FGF12: variants seen among roughly 807,000 people sequenced by gnomAD.
FGF12 encodes the protein fibroblast growth factor 12.
A neutral mutation model predicts 23.6 loss-of-function variants in FGF12; 14 were observed. That is an observed-to-expected ratio of 0.59 (90% confidence interval 0.39 to 0.93). The LOEUF is 0.93. FGF12 is among the 40% of genes least tolerant of loss of function. FGF12 has a pLI of 0.00. For missense variants in FGF12, 175 were observed against 217.8 expected (o/e 0.80, Z 1.24); for synonymous variants, 62 against 77.3 (o/e 0.80, Z 1.04).
intron 2 of FGF12, among the ~76,000 whole-genome samples, chr3:192,668,372 T>C (rs1450595332): frequency 6.6e-6 from 1 of 150,664 alleles, no homozygotes; most frequent in Admixed American, 6.6e-5. Flanking sequence ...GGATTCTTAA[T>C]GGGAATATTC....
chr3:192,646,375 AAT>A (rs1021883790), intron 2 of FGF12, among the ~76,000 whole-genome samples: 5 of 152,070 alleles, frequency 3.3e-5, no homozygotes, highest in African/African-American at 1.2e-4. Context: ...AATTAATATA[AAT>A]ATATGAGTCA....
chr3:192,169,830 C>A (rs1432333401), intron 5 of FGF12, among the ~76,000 whole-genome samples: 2 of 108,168 alleles, frequency 1.8e-5, no homozygotes, highest in African/African-American at 1.1e-4. Flanking sequence ...AAATCGGTTT[C>A]CTCAGAAAAA....
At chr3:192,692,821 C>T (rs1197330921) in intron 2 of FGF12, among the ~76,000 whole-genome samples, 1 of 151,494 alleles carries the variant, frequency 6.6e-6, no homozygotes, top group Admixed American at 6.6e-5. Flanking sequence ...AAAATTTACT[C>T]AACATATTAT....
At chr3:192,339,866 T>C (rs1248645130) in intron 3 of FGF12, among the ~76,000 whole-genome samples, 1 of 152,178 alleles carries the variant, frequency 6.6e-6, no homozygotes, top group African/African-American at 2.4e-5. Context: ...CCCAGGTACA[T>C]GTACACAGCT....
chr3:192,312,548 G>C (rs960278989), intron 4 of FGF12, among the ~76,000 whole-genome samples: 2 of 151,730 alleles, frequency 1.3e-5, no homozygotes, highest in Non-Finnish European at 2.9e-5. Context: ...TCAATAAGTA[G>C]TACATAAATT....
chr3:192,369,861 T>C (rs1417920189), intron 2 of FGF12, among the ~76,000 whole-genome samples: 6 of 152,158 alleles, frequency 3.9e-5, no homozygotes, highest in African/African-American at 1.2e-4. Flanking sequence ...AATGAACAAA[T>C]AAAATGCCAC....
chr3:192,384,477 A>G (rs1719958110), intron 2 of FGF12, among the ~76,000 whole-genome samples: 1 of 152,204 alleles, frequency 6.6e-6, no homozygotes, highest in South Asian at 2.1e-4. Context: ...AGCTGGAAGA[A>G]ATAACATCTT....
Position 192,158,345 on chromosome 3 carries a change from T to TCC in FGF12, c.427+12112_427+12113insGG, listed in dbSNP as rs1491323674. On this transcript the variant is annotated intron_variant, in intron 5 of 5. Coordinates refer to ENST00000445105, the MANE Select transcript of FGF12 (RefSeq NM_004113.6). ...CTTTCTTTCTTTCTCTTTCTTTCTT[T>TCC]CTTTCTTTCTTTCTTTCTTTCTTTC... 3.9e-5 allele frequency among the ~76,000 whole-genome samples: 3 copies of TCC among 77,816 alleles called. No individual in the cohort carries two copies. The East Asian group carries it at 1.0e-3, about 26-fold the overall frequency. 51.1% of individuals were successfully genotyped at this position (77,816 alleles called of 152,430 possible).
intron 4 of FGF12, among the ~76,000 whole-genome samples, chr3:192,206,860 G>A: frequency 6.6e-6 from 1 of 151,590 alleles, no homozygotes; most frequent in East Asian, 2.0e-4. Flanking sequence ...AACCCTCCTG[G>A]AGGGCCCCCT....
intron 2 of FGF12, among the ~76,000 whole-genome samples, chr3:192,491,752 T>C (rs960065625): frequency 6.6e-6 from 1 of 152,156 alleles, no homozygotes; most frequent in Admixed American, 6.6e-5. Context: ...TTTCATGTCA[T>C]GTCACACCTA....
Position 192,177,030 on chromosome 3 carries a change from T to G in FGF12, c.229-6374A>C, listed in dbSNP as rs141619468. On this transcript the variant is annotated intron_variant, in intron 4 of 5. Transcript: ENST00000445105. The stretch of plus-strand genomic sequence containing the variant: ...CTTACAAGGTCCTACAGAATAATTA[T>G]GTCAAGACATCAAATGAACAGAATA... 2.3e-3 allele frequency among the ~76,000 whole-genome samples: 357 copies of G among 152,350 alleles called. 1 individual carries two copies. The highest frequency in any genetic ancestry group is 8.2e-3 in the African/African-American group (343 of 41,590).
At chr3:192,575,936 T>TC (rs1486384067) in intron 2 of FGF12, among the ~76,000 whole-genome samples, 3 of 152,210 alleles carry the variant, frequency 2.0e-5, no homozygotes, top group Non-Finnish European at 4.4e-5. Context: ...AAAAGGTACT[T>TC]GAAAAAAATA....
chr3:192,351,489 G>A (rs771114007), intron 3 of FGF12, among the ~76,000 whole-genome samples: 7 of 152,142 alleles, frequency 4.6e-5, no homozygotes, highest in Admixed American at 2.0e-4. Flanking sequence ...AACAAACATT[G>A]AGTGAAAGCC....
chr3:192,291,973 T>A (rs899577517), intron 4 of FGF12, among the ~76,000 whole-genome samples: 1 of 152,210 alleles, frequency 6.6e-6, no homozygotes, highest in African/African-American at 2.4e-5. Context: ...CTAACCCAAT[T>A]TGAAATGCCA....
chr3:192,679,913 C>T (rs777248674), intron 2 of FGF12, among the ~76,000 whole-genome samples: 1 of 152,246 alleles, frequency 6.6e-6, no homozygotes, highest in Non-Finnish European at 1.5e-5. Context: ...TGAGCTGGGG[C>T]AGCATAAAAT....
At position 192,193,974 on chromosome 3, in the gene FGF12, T is replaced by C. The variant is rs75159001; in HGVS notation, c.229-23318A>G. On this transcript the variant is annotated intron_variant, in intron 4 of 5. Transcript: ENST00000445105. Reference sequence around the variant, plus strand: ...ACTGGGCCAGCAGGGATGTGTAGTATGTAGAAAAAATAAAAGCAATATTTT... The same window carrying C: ...ACTGGGCCAGCAGGGATGTGTAGTACGTAGAAAAAATAAAAGCAATATTTT... Among the ~76,000 whole-genome samples, 509 of 152,330 alleles carry C rather than the reference T, an allele frequency of 3.3e-3. 8 individuals are homozygous for C. The highest frequency in any genetic ancestry group is 0.032 in the East Asian group (164 of 5,194).
In FGF12 at chr3:192,154,195, T is replaced by G. The variant is rs1351707798; in HGVS notation, c.428-10068A>C. 5.9e-5 allele frequency among the ~76,000 whole-genome samples: 6 copies of G among 102,156 alleles called. No individual in the cohort carries two copies. In the East Asian group the frequency reaches 1.5e-3, roughly 26 times the overall value. 67.0% of individuals were successfully genotyped at this position (102,156 alleles called of 152,430 possible). A position where few individuals can be genotyped will look rare whatever the true frequency, so the allele number is the denominator to read the frequency against. On this transcript the variant is annotated intron_variant, in intron 5 of 5. Coordinates refer to ENST00000445105, the MANE Select transcript of FGF12 (RefSeq NM_004113.6). ...CCTTTAAGCACTTCTCTGTATTGGT[T>G]ATTCTAGTTATACATTCTTCTAAAT...
At chr3:192,386,790 G>A (rs1240175780) in intron 2 of FGF12, among the ~76,000 whole-genome samples, 2 of 152,136 alleles carry the variant, frequency 1.3e-5, no homozygotes, top group African/African-American at 4.8e-5. Context: ...AAGGCAATTG[G>A]GAGAGGTAAC....
chr3:192,597,862 C>A (rs998822427), intron 2 of FGF12, among the ~76,000 whole-genome samples: 1 of 152,230 alleles, frequency 6.6e-6, no homozygotes, highest in African/African-American at 2.4e-5. Flanking sequence ...AGATGACAAT[C>A]TGGCATTTTG....
Sources: gnomAD v4.1 joint callset for allele counts (sites outside exome capture counted in the v4.1 genomes callset) on GRCh38, gnomAD v4.1.1 for gene constraint, MANE v1.5 for transcripts, NCBI Gene and HGNC (gene_info 2026-07-23, HGNC 2026-07-21) for gene names.